PAX4: variants seen among roughly 807,000 people sequenced by gnomAD.
PAX4 encodes paired box protein Pax-4.
In PAX4, 33 loss-of-function variants were observed where a neutral mutation model predicts 40.6. The ratio of observed to expected loss-of-function variants is 0.81; its 90% CI spans 0.62 to 1.09. The LOEUF (loss-of-function observed/expected upper bound fraction) is 1.09. PAX4 is among the 50% of genes least tolerant of loss of function. The pLI is 0.00. For missense variants in PAX4, 459 were observed against 442.5 expected, an observed-to-expected ratio of 1.04 and a Z score of -0.33; for synonymous variants, 174 against 170.6, an observed-to-expected ratio of 1.02 and a Z score of -0.16.
Position 127,615,897 on chromosome 7 carries a change from C to G in PAX4, c.13+19G>C. On this transcript the variant is annotated intron_variant, in intron 3 of 11. Transcript: ENST00000639438. ...CTCTGTTGTCCTCCCTGTCTTCCCA[C>G]TTCCCCCAGGCTCCTCACCGTCCTG... The G allele has an allele frequency of 6.5e-7, 1 of 1,536,152 alleles. No individual in the cohort carries two copies.
chr7:127,613,325 T>A (rs933513843), intron 8 of PAX4, 125 bp downstream of exon 8: 4 of 965,188 alleles, frequency 4.1e-6, no homozygotes, highest in Admixed American at 3.5e-5. Flanking sequence ...CATCTCTGAT[T>A]GTTGCTCCAA....
chr7:127,615,099 A>C lies in PAX4; in HGVS notation c.145-4T>G. The C allele has an allele frequency of 6.2e-7, 1 of 1,614,124 alleles. No individual in the cohort carries two copies. Among genetic ancestry groups the C allele is most frequent in the East Asian group, 2.2e-5 (1 of 44,860 alleles). On this transcript the variant is annotated splice_polypyrimidine_tract_variant and splice_region_variant and intron_variant, in intron 4 of 11. Transcript: ENST00000639438. ...TGCTCACACAGCCATTAGATACCTGAGTCAGGTGAGAAGCAGGGACAGGTG... is the reference window on the plus strand; with the variant it reads ...TGCTCACACAGCCATTAGATACCTGCGTCAGGTGAGAAGCAGGGACAGGTG...
At chr7:127,613,209 C>T in intron 8 of PAX4, 118 bp from the exon 9 acceptor site, 1 of 918,532 alleles carries the variant, frequency 1.1e-6, no homozygotes, top group Non-Finnish European at 1.8e-6. Flanking sequence ...GGCCTGACAT[C>T]CTCCCTCCCT....
intron 1 of PAX4, among the ~76,000 whole-genome samples, 180 bp from the exon 2 acceptor site, chr7:127,617,580 C>G (rs563629470): frequency 2.8e-4 from 43 of 152,300 alleles, no homozygotes; most frequent in African/African-American, 1.0e-3. Context: ...TGTGCCAAGA[C>G]AGGGTGAAGG....
intron 2 of PAX4, among the ~76,000 whole-genome samples, chr7:127,616,373 C>T (rs1279231896): frequency 2.6e-5 from 4 of 152,150 alleles, no homozygotes; most frequent in Non-Finnish European, 5.9e-5. Context: ...TCCAGCTGCT[C>T]CTAAGCCTTC....
chr7:127,615,052 C>A lies in PAX4; in HGVS notation c.188G>T (p.Arg63Leu). 4 of 1,614,162 alleles carry A rather than the reference C, an allele frequency of 2.5e-6. No homozygotes were observed. The highest frequency in any genetic ancestry group is 3.4e-6 in the Non-Finnish European group (4 of 1,180,020). Reference sequence around the variant, plus strand: ...GCCCTTTGGCTCCAAGACACCTGTGCGGTAGTAACGCCCTAGGATCTTGCT... The same window carrying A: ...GCCCTTTGGCTCCAAGACACCTGTGAGGTAGTAACGCCCTAGGATCTTGCT... Reference protein sequence around the residue: ...CVSKILGRYYRTGVLEPKGIG... With the variant: ...CVSKILGRYYLTGVLEPKGIG... Residue 63 changes from arginine to leucine, a missense_variant, in exon 5 of 12, where the codon CGC becomes CTC. Physicochemically the swap from Arg to Leu is moderately radical, Grantham distance 102. Coordinates refer to ENST00000639438, the MANE Select transcript of PAX4 (RefSeq NM_001366110.1).
intron 9 of PAX4, among the ~76,000 whole-genome samples, chr7:127,612,789 G>T (rs1173894192): frequency 6.7e-6 from 1 of 149,518 alleles, no homozygotes. Flanking sequence ...TTGATGCATG[G>T]ATAGATGGGT....
At chr7:127,612,048 G>A (rs1048856173) in intron 9 of PAX4, 48 bp from the exon 10 acceptor site, 11 of 1,579,114 alleles carry the variant, frequency 7.0e-6, no homozygotes, top group Middle Eastern at 1.7e-4. Context: ...TGGGGTTAGG[G>A]ACGGGAGGAG....
At position 127,612,979 on chromosome 7, in the gene PAX4, A is replaced by G. The variant is rs747727099; in HGVS notation, c.715+43T>C. ...TGGATGGATGGATGGATGGATGGAT[A>G]GATGACTGAGCGGGCAGATGGATGA... On this transcript the variant is annotated intron_variant, in intron 9 of 11. Transcript: ENST00000639438. The G allele has an allele frequency of 4.1e-4, 542 of 1,336,602 alleles. 4 individuals carry two copies. Among genetic ancestry groups the G allele is most frequent in the Middle Eastern group, 2.5e-4 (1 of 4,016 alleles). The allele number at this position is 1,336,602 out of a possible 1,614,324, so 82.8% of individuals were successfully genotyped here.
At chr7:127,616,972 C>G (rs952935959) in intron 2 of PAX4, among the ~76,000 whole-genome samples, 2 of 152,134 alleles carry the variant, frequency 1.3e-5, no homozygotes, top group Middle Eastern at 6.3e-3. Context: ...TGCCTGGAAC[C>G]CTGGTAGTGC....
chr7:127,614,824 G>T (rs994866257), intron 5 of PAX4, 56 bp downstream of exon 5: 3 of 1,578,174 alleles, frequency 1.9e-6, no homozygotes, highest in South Asian at 1.1e-5. Flanking sequence ...AAGGTTCTTT[G>T]TCTCCCCCAG....
In PAX4 at chr7:127,612,823, T is replaced by C. The variant is rs1230370090; in HGVS notation, c.715+199A>G. On this transcript the variant is annotated intron_variant, in intron 9 of 11. Coordinates refer to ENST00000639438, the MANE Select transcript of PAX4 (RefSeq NM_001366110.1). ...GTGGATAAATGGGTAGCTGGGTGGA[T>C]GGGTGGGTGTGGTGGGTGGATGATG... 3.5e-5 allele frequency among the ~76,000 whole-genome samples: 5 copies of C among 143,764 alleles called. No homozygotes were observed. The East Asian group carries it at 1.1e-3, about 31-fold the overall frequency. 94.3% of individuals were successfully genotyped at this position (143,764 alleles called of 152,430 possible). A position where few individuals can be genotyped will look rare whatever the true frequency, so the allele number is the denominator to read the frequency against.
intron 2 of PAX4, 31 bp from the exon 3 acceptor site, chr7:127,616,058 T>G: frequency 1.8e-6 from 2 of 1,118,162 alleles, no homozygotes; most frequent in Non-Finnish European, 2.6e-6. Context: ...TTGGGTGAGG[T>G]CTTTTGCTTG....
chr7:127,613,480 A>T lies in PAX4; in HGVS notation c.615T>A (p.Thr205=), dbSNP rs758502633. 32 of 1,614,086 alleles carry T rather than the reference A, an allele frequency of 2.0e-5. No homozygotes were observed. The highest frequency in any genetic ancestry group is 2.7e-5 in the Non-Finnish European group (32 of 1,180,052). Residue 205 remains threonine, a synonymous_variant, in exon 8 of 12, where the codon ACT becomes ACA. Coordinates refer to ENST00000639438, the MANE Select transcript of PAX4 (RefSeq NM_001366110.1). ...PDSVARGKLA[T]ATSLPEDTVR... ...CCGTGTCCTCAGGCAGAGAGGTGGC[A>T]GTAGCCAGCTTTCCACGGGCCACTG...
rs1230981557 is a variant in PAX4 at position 127,613,499 on chromosome 7, G to A, written c.596C>T (p.Ala199Val). The part of the protein sequence containing the change: ...FQRGQYPDSV[A>V]RGKLATATSL... The stretch of plus-strand genomic sequence containing the variant: ...GGTGGCAGTAGCCAGCTTTCCACGG[G>A]CCACTGAATCAGGATACTGCCCACG... Residue 199 changes from alanine to valine, a missense_variant, in exon 8 of 12, where the codon GCC (alanine) becomes GTC (valine). Physicochemically the swap from Ala to Val is moderately conservative, Grantham distance 64. Transcript: ENST00000639438. The A allele has an allele frequency of 6.8e-6, 11 of 1,614,044 alleles. No homozygotes were observed. Among genetic ancestry groups the A allele is most frequent in the African/African-American group, 6.7e-5 (5 of 74,918 alleles).
At chr7:127,612,172 C>A (rs1235438249) in intron 9 of PAX4, among the ~76,000 whole-genome samples, 172 bp from the exon 10 acceptor site, 9 of 152,216 alleles carry the variant, frequency 5.9e-5, no homozygotes, top group Non-Finnish European at 1.3e-4. Flanking sequence ...TTCCCCAAGA[C>A]AGGTCCTTGG....
At chr7:127,614,374 T>G in intron 6 of PAX4, 108 bp downstream of exon 6, 2 of 862,036 alleles carry the variant, frequency 2.3e-6, no homozygotes, top group Non-Finnish European at 3.8e-6. Flanking sequence ...GTCCTCCTTA[T>G]TGGGTTGTTG....
intron 4 of PAX4, 43 bp downstream of exon 4, chr7:127,615,358 T>G: frequency 6.2e-7 from 1 of 1,613,986 alleles, no homozygotes; most frequent in Non-Finnish European, 8.5e-7. Flanking sequence ...CCTTTCTCCC[T>G]GCTTCCTGTC....
intron 11 of PAX4, 55 bp downstream of exon 11, chr7:127,611,480 A>G (rs1186868355): frequency 1.9e-6 from 3 of 1,611,666 alleles, no homozygotes; most frequent in Non-Finnish European, 8.5e-7. Flanking sequence ...CTGGAGGTTG[A>G]GTCAGTCGAC....
Sources: allele counts gnomAD v4.1 joint callset (sites outside exome capture counted in the v4.1 genomes callset), GRCh38; gene constraint gnomAD v4.1.1; transcripts MANE v1.5; gene names NCBI Gene and HGNC (gene_info 2026-07-23, HGNC 2026-07-21).